LDLRAD4: variants seen among roughly 807,000 people sequenced by gnomAD.
LDLRAD4 encodes low density lipoprotein receptor class A domain containing 4.
Under a neutral mutation model 17.0 loss-of-function variants are expected in LDLRAD4, and 5 were observed. The observed-to-expected ratio is 0.29, with a 90% CI of 0.15 to 0.62. The LOEUF (loss-of-function observed/expected upper bound fraction) is 0.62, where lower values mean the gene tolerates loss of function less well. Among genes scored for constraint, LDLRAD4 ranks in the 20% least tolerant of loss-of-function variants. The probability of loss-of-function intolerance (pLI) is 0.84; values close to 1 mark genes in which losing one functional copy is unlikely to be tolerated. For missense variants in LDLRAD4, 340 were observed against 424.7 expected (o/e 0.80, Z 1.75); for synonymous variants, 168 against 171.8 (o/e 0.98, Z 0.17).
chr18:13,251,573 C>A (rs530449402), intron 1 of LDLRAD4, among the ~76,000 whole-genome samples: 1 of 152,226 alleles, frequency 6.6e-6, no homozygotes. Context: ...TTTCTATAGA[C>A]AAACAACTAG....
chr18:13,552,875 A>T (rs2094448809), intron 3 of LDLRAD4, among the ~76,000 whole-genome samples: 1 of 152,204 alleles, frequency 6.6e-6, no homozygotes, highest in Non-Finnish European at 1.5e-5. Context: ...GTTAAGAAAA[A>T]GTCAGAGTTT....
chr18:13,401,028 G>A (rs2087139661), intron 2 of LDLRAD4, among the ~76,000 whole-genome samples: 1 of 152,090 alleles, frequency 6.6e-6, no homozygotes, highest in African/African-American at 2.4e-5. Context: ...ATGGGAAGGA[G>A]ATGGGCAAGA....
chr18:13,283,107 C>G (rs1292761478), intron 1 of LDLRAD4, among the ~76,000 whole-genome samples: 2 of 152,194 alleles, frequency 1.3e-5, no homozygotes, highest in East Asian at 3.8e-4. Flanking sequence ...TGGGCCCAGC[C>G]CACAAAACCA....
intron 3 of LDLRAD4, among the ~76,000 whole-genome samples, chr18:13,596,142 A>G (rs1457530902): frequency 6.6e-6 from 1 of 151,874 alleles, no homozygotes; most frequent in Non-Finnish European, 1.5e-5. Context: ...ATCCCTTGTA[A>G]CTTTTTTTTG....
At chr18:13,247,960 CTTT>C (rs34516593) in intron 1 of LDLRAD4, among the ~76,000 whole-genome samples, 1 of 132,014 alleles carries the variant, frequency 7.6e-6, no homozygotes, top group Non-Finnish European at 1.6e-5. Flanking sequence ...CGCCCCCCGC[CTTT>C]TTTTTTTTTT....
chr18:13,457,215 T>C (rs186209237), intron 3 of LDLRAD4, among the ~76,000 whole-genome samples: 154 of 152,320 alleles, frequency 1.0e-3, no homozygotes, highest in Middle Eastern at 3.4e-3. Context: ...CTATGTTTGA[T>C]TAATTTGCTG....
chr18:13,536,596 A>G (rs1271666172), intron 3 of LDLRAD4, among the ~76,000 whole-genome samples: 1 of 151,478 alleles, frequency 6.6e-6, no homozygotes, highest in African/African-American at 2.4e-5. Flanking sequence ...CCCAGCCTGT[A>G]TGCCTTTAAT....
At chr18:13,486,713 A>AT (rs1411212809) in intron 3 of LDLRAD4, 1 of 152,150 alleles carries the variant, frequency 6.6e-6, no homozygotes, top group African/African-American at 2.4e-5. Flanking sequence ...AAGCTCACTG[A>AT]TTTTTTTATA....
At chr18:13,393,211 G>A (rs2086409755) in intron 2 of LDLRAD4, among the ~76,000 whole-genome samples, 1 of 152,302 alleles carries the variant, frequency 6.6e-6, no homozygotes, top group South Asian at 2.1e-4. Context: ...GAGAATGCTC[G>A]CTTTAGGAGA....
rs552361016 is a variant in LDLRAD4 at position 13,519,670 on chromosome 18, C to G, written c.181+81286C>G. On this transcript the variant is annotated intron_variant, in intron 3 of 5. Transcript: ENST00000359446. ...GTCTCAGCTACTCGGGAGGCCAAGG[C>G]AGGAGAATTGCTTAAACCCAGGAGG... 4 of 152,256 alleles carry G rather than the reference C, an allele frequency of 2.6e-5. No individual in the cohort carries two copies. The East Asian group carries it at 7.7e-4, about 29-fold the overall frequency. 9.4% of individuals were successfully genotyped at this position (152,256 alleles called of 1,614,324 possible). A position where few individuals can be genotyped will look rare whatever the true frequency, so the allele number is the denominator to read the frequency against.
chr18:13,264,932 C>T (rs906752097), intron 1 of LDLRAD4, among the ~76,000 whole-genome samples: 3 of 152,188 alleles, frequency 2.0e-5, no homozygotes, highest in Non-Finnish European at 4.4e-5. Flanking sequence ...TTGAGGAAGA[C>T]GTTGGCAAAT....
rs188786162 is a variant in LDLRAD4 at position 13,368,253 on chromosome 18, G to C, written c.-382-19088G>C. On this transcript the variant is annotated intron_variant, in intron 1 of 5. Transcript: ENST00000359446. The stretch of plus-strand genomic sequence containing the variant: ...AGAGGGAGCCGACAAGAAGCTGAGT[G>C]TGGGACTTTGGGGGATGAGCTAAGG... Among the ~76,000 whole-genome samples, 20 of 152,252 alleles carry C rather than the reference G, an allele frequency of 1.3e-4. No homozygotes were observed. In the East Asian group the frequency reaches 3.7e-3, roughly 28 times the overall value.
intron 4 of LDLRAD4, chr18:13,642,570 A>G: frequency 8.1e-7 from 1 of 1,228,544 alleles, no homozygotes; most frequent in Non-Finnish European, 1.0e-6. Context: ...TCGCTGGAGG[A>G]TCCTGAGCCC....
chr18:13,387,191 C>G (rs530572705), intron 1 of LDLRAD4, 150 bp from the exon 3 acceptor site: 1 of 153,092 alleles, frequency 6.5e-6, no homozygotes, highest in South Asian at 2.1e-4. Context: ...GCAGGTGGAT[C>G]TCCTCCCACC....
intron 3 of LDLRAD4, among the ~76,000 whole-genome samples, chr18:13,503,780 TAA>T (rs5823253): frequency 2.0e-5 from 3 of 149,320 alleles, no homozygotes; most frequent in African/African-American, 7.4e-5. Flanking sequence ...GCTCTTGTTT[TAA>T]AAAAAAAAAC....
Position 13,645,294 on chromosome 18 carries a change from C to T in LDLRAD4, c.558C>T (p.Pro186=). ...AAGAGCCACCTCCTTACCAGGGGCC[C>T]TGCACCCTGCAGCTCCGGGACCCTG... Residue 186 remains proline (P), a synonymous_variant, in exon 6 of 6, where the codon CCC becomes CCT. Transcript: ENST00000359446. The surrounding 1 kb of genome is among the most constrained non-coding windows in gnomAD (Gnocchi z 5.7). The T allele has an allele frequency of 6.2e-7, 1 of 1,614,212 alleles. No homozygotes were observed. Among genetic ancestry groups the T allele is most frequent in the Non-Finnish European group, 8.5e-7 (1 of 1,180,034 alleles).
chr18:13,445,761 G>T (rs1176648095), intron 3 of LDLRAD4, among the ~76,000 whole-genome samples: 1 of 151,186 alleles, frequency 6.6e-6, no homozygotes, highest in African/African-American at 2.4e-5. Context: ...GTGTGTGCAT[G>T]TGTGGGTGTG....
chr18:13,535,972 G>A (rs377058099), intron 3 of LDLRAD4, among the ~76,000 whole-genome samples: 2 of 152,126 alleles, frequency 1.3e-5, no homozygotes, highest in Admixed American at 6.5e-5. Context: ...ATAACATTGA[G>A]TGTCTTTTTG....
At chr18:13,304,133 C>T (rs952045048) in intron 1 of LDLRAD4, among the ~76,000 whole-genome samples, 2 of 152,212 alleles carry the variant, frequency 1.3e-5, no homozygotes, top group Non-Finnish European at 2.9e-5. Context: ...AGTGCACAGG[C>T]TCCCAGGCCA....
Sources: allele counts gnomAD v4.1 joint callset (sites outside exome capture counted in the v4.1 genomes callset), GRCh38; gene constraint gnomAD v4.1.1; non-coding constraint Gnocchi (gnomAD v3.1); transcripts MANE v1.5; gene names NCBI Gene and HGNC (gene_info 2026-07-23, HGNC 2026-07-21).